The following SAMMSON variants were observed in gnomAD, a reference collection of about 807,000 sequenced individuals.
SAMMSON encodes long intergenic non-protein coding RNA 1212.
intron 7 of SAMMSON, among the ~76,000 whole-genome samples, chr3:70,336,443 C>A (rs909451324): frequency 6.6e-6 from 1 of 151,998 alleles, no homozygotes; most frequent in Non-Finnish European, 1.5e-5. Flanking sequence ...TACTTCCTTT[C>A]CTGAGATTTC....
chr3:70,113,958 G>C (rs2067399920), intron 4 of SAMMSON, among the ~76,000 whole-genome samples: 1 of 152,138 alleles, frequency 6.6e-6, no homozygotes. Context: ...CCTTGATCTT[G>C]GACTTCCAGC....
At chr3:69,999,854 A>C (rs1051489004) in exon 1 of SAMMSON, 5 of 152,342 alleles carry the variant, frequency 3.3e-5, no homozygotes, top group African/African-American at 1.2e-4. Context: ...CAGGCCATTG[A>C]CCAGCGGGAC....
intron 4 of SAMMSON, among the ~76,000 whole-genome samples, chr3:70,214,438 G>C (rs1253550012): frequency 6.6e-6 from 1 of 151,996 alleles, no homozygotes; most frequent in Non-Finnish European, 1.5e-5. Flanking sequence ...TTTAAAAAGA[G>C]AGAAAAGGCT....
At chr3:70,431,523 G>A (rs1701412203) in intron 2 of SAMMSON, among the ~76,000 whole-genome samples, 1 of 151,898 alleles carries the variant, frequency 6.6e-6, no homozygotes, top group African/African-American at 2.4e-5. Flanking sequence ...AATTAGTTTG[G>A]AAACAAAGGA....
chr3:70,191,714 C>G (rs1701132309), intron 4 of SAMMSON, among the ~76,000 whole-genome samples: 1 of 151,838 alleles, frequency 6.6e-6, no homozygotes, highest in Non-Finnish European at 1.5e-5. Context: ...TTAAAAGTAA[C>G]TACTTGAACT....
Position 70,355,545 on chromosome 3 carries a change from TG to T in SAMMSON, n.842+1270del, listed in dbSNP as rs545127120. On this transcript the variant is annotated intron_variant and non_coding_transcript_variant, in intron 8 of 9. Coordinates refer to ENST00000642114, the Ensembl canonical transcript of SAMMSON. ...CTTGCAAAGAAATCAGTTTTAAAAT[TG>T]GAAGATGAAGTCATAGATACTTTCC... is the stretch of plus-strand genomic sequence containing the variant. 2.8e-3 allele frequency among the ~76,000 whole-genome samples: 420 copies of T among 152,200 alleles called. 2 individuals carry two copies. The highest frequency in any genetic ancestry group is 9.3e-3 in the African/African-American group (386 of 41,528).
chr3:70,027,769 C>G (rs1421836936), intron 3 of SAMMSON, among the ~76,000 whole-genome samples: 1 of 152,120 alleles, frequency 6.6e-6, no homozygotes, highest in Non-Finnish European at 1.5e-5. Flanking sequence ...ATGTATTGCA[C>G]TAATATATTG....
In SAMMSON at chr3:70,387,660, G is replaced by A. The variant is rs185762903; in HGVS notation, n.914-1914G>A. Among the ~76,000 whole-genome samples the A allele has an allele frequency of 6.0e-4, 91 of 152,062 alleles. 2 individuals are homozygous for A. The highest frequency in any genetic ancestry group is 1.0e-3 in the Non-Finnish European group (71 of 67,960). On this transcript the variant is annotated intron_variant and non_coding_transcript_variant, in intron 9 of 9. Transcript: ENST00000642114. Reference sequence around the variant, plus strand: ...AGTTAAGATATTCTGAATACCTAAGGGCAAAATGTAACAATCAGGTCACAC... The same window carrying A: ...AGTTAAGATATTCTGAATACCTAAGAGCAAAATGTAACAATCAGGTCACAC...
intron 9 of SAMMSON, among the ~76,000 whole-genome samples, chr3:70,363,583 A>G (rs1268496237): frequency 6.6e-6 from 1 of 152,082 alleles, no homozygotes; most frequent in Non-Finnish European, 1.5e-5. Context: ...CTATTAAAAT[A>G]GAAGAGGACT....
intron 4 of SAMMSON, among the ~76,000 whole-genome samples, chr3:70,145,677 A>G (rs2067546179): frequency 1.3e-5 from 2 of 152,072 alleles, no homozygotes; most frequent in African/African-American, 4.8e-5. Flanking sequence ...ACATAACAAA[A>G]TTTGTGGGTT....
At chr3:70,320,994 C>T (rs1702534875) in intron 7 of SAMMSON, among the ~76,000 whole-genome samples, 1 of 151,802 alleles carries the variant, frequency 6.6e-6, no homozygotes, top group Admixed American at 6.6e-5. Context: ...AAGTAAAGAG[C>T]TTGGAAAAAA....
At chr3:70,048,555 A>G (rs2067135321) in intron 3 of SAMMSON, among the ~76,000 whole-genome samples, 1 of 152,090 alleles carries the variant, frequency 6.6e-6, no homozygotes, top group Admixed American at 6.6e-5. Flanking sequence ...ACAACACCAA[A>G]TATCAATATA....
At chr3:70,184,405 T>G (rs554950203) in intron 4 of SAMMSON, among the ~76,000 whole-genome samples, 1 of 152,326 alleles carries the variant, frequency 6.6e-6, no homozygotes, top group East Asian at 1.9e-4. Context: ...TGCTTCACAC[T>G]ACTGTGCTTC....
At chr3:70,231,659 G>GGA (rs937816255) in intron 4 of SAMMSON, among the ~76,000 whole-genome samples, 15 of 152,114 alleles carry the variant, frequency 9.9e-5, no homozygotes, top group African/African-American at 2.4e-4. Context: ...AACACGCTAA[G>GGA]GAGAGAGAGA....
chr3:70,079,780 G>A (rs1317499250), intron 4 of SAMMSON, among the ~76,000 whole-genome samples: 1 of 152,158 alleles, frequency 6.6e-6, no homozygotes, highest in East Asian at 1.9e-4. Context: ...AGAGGCATCT[G>A]TACTAGATTC....
chr3:70,107,844 T>C (rs2067373240), intron 4 of SAMMSON, among the ~76,000 whole-genome samples: 2 of 152,210 alleles, frequency 1.3e-5, no homozygotes, highest in Middle Eastern at 6.8e-3. Flanking sequence ...TACCATGTAT[T>C]TGGATTCTTG....
intron 1 of SAMMSON, among the ~76,000 whole-genome samples, chr3:70,011,077 C>G (rs1447988971): frequency 4.6e-5 from 7 of 152,014 alleles, no homozygotes; most frequent in Admixed American, 6.6e-5. Context: ...GGTTTTTATA[C>G]TTTGGGGTAT....
rs1408834796 is a variant in SAMMSON, at chr3:70,197,541, G to T, written n.508-51566G>T. 2.0e-5 allele frequency among the ~76,000 whole-genome samples: 3 copies of T among 152,244 alleles called. No homozygotes were observed. The East Asian group carries it at 5.8e-4, about 29-fold the overall frequency. Reference sequence around the variant, plus strand: ...TTGCAACTGTCTGAAAAATTGCAGGGACTCCCCAAATACAAGGGGCTTAAG... The same window carrying T: ...TTGCAACTGTCTGAAAAATTGCAGGTACTCCCCAAATACAAGGGGCTTAAG... On this transcript the variant is annotated intron_variant and non_coding_transcript_variant, in intron 4 of 9. Coordinates refer to ENST00000642114, the Ensembl canonical transcript of SAMMSON.
At chr3:70,072,679 T>C (rs143194126) in intron 4 of SAMMSON, 45 of 150,904 alleles carry the variant, frequency 3.0e-4, no homozygotes, top group African/African-American at 1.1e-3. Context: ...GAAAAAAATT[T>C]TTTATAAGGG....
Sources: gnomAD v4.1 joint callset for allele counts (sites outside exome capture counted in the v4.1 genomes callset) on GRCh38, gnomAD v4.1.1 for gene constraint, MANE v1.5 for transcripts, NCBI Gene and HGNC (gene_info 2026-07-23, HGNC 2026-07-21) for gene names.